Variants in CDH8 observed in about 807,000 individuals in gnomAD.
CDH8 encodes cadherin-8.
A neutral mutation model predicts 68.1 loss-of-function variants in CDH8; 17 were observed. That is an observed-to-expected ratio of 0.25 (90% CI 0.17 to 0.37). The LOEUF is 0.37. Among genes scored for constraint, CDH8 ranks in the 10% least tolerant of loss-of-function variants. The pLI is 1.00. For synonymous variants in CDH8, 372 were observed against 365.1 expected (o/e 1.02, Z -0.21); for missense variants, 763 against 999.3 (o/e 0.76, Z 3.19).
chr16:61,782,346 G>A (rs568974233), intron 8 of CDH8, among the ~76,000 whole-genome samples: 5 of 151,798 alleles, frequency 3.3e-5, no homozygotes, highest in South Asian at 2.1e-4. Context: ...CTGGAAAATC[G>A]GGTCACTCCA....
At chr16:61,788,349 A>G (rs909701995) in intron 8 of CDH8, among the ~76,000 whole-genome samples, 2 of 152,066 alleles carry the variant, frequency 1.3e-5, no homozygotes, top group Non-Finnish European at 2.9e-5. Context: ...ATTATCATCT[A>G]TATTTCTCTA....
At position 61,960,266 on chromosome 16, in the gene CDH8, TACGTGTGTGTGTATACAC is replaced by T. The variant is rs1567546338; in HGVS notation, c.253-58811_253-58794del. On this transcript the variant is annotated intron_variant, in intron 2 of 11. Transcript: ENST00000577390. ...GTGTGTGTGTATACACATACATATA[TACGTGTGTGTGTATACAC>T]ACATATATACGTGTGTGTGTATACA... Among the ~76,000 whole-genome samples, 7 of 98,912 alleles carry T rather than the reference TACGTGTGTGTGTATACAC, an allele frequency of 7.1e-5. 2 individuals are homozygous for T. The highest frequency in any genetic ancestry group is 4.7e-4 in the African/African-American group (7 of 14,992). The allele number at this position is 98,912 out of a possible 152,430, so 64.9% of individuals were successfully genotyped here.
At chr16:61,731,220 A>G (rs1488830237) in intron 8 of CDH8, among the ~76,000 whole-genome samples, 1 of 151,692 alleles carries the variant, frequency 6.6e-6, no homozygotes, top group African/African-American at 2.4e-5. Flanking sequence ...GACAAATGAG[A>G]GAGTGTTGGT....
chr16:61,986,825 A>C (rs1965637409), intron 2 of CDH8, among the ~76,000 whole-genome samples: 1 of 152,202 alleles, frequency 6.6e-6, no homozygotes, highest in East Asian at 1.9e-4. Flanking sequence ...TACATTTGAA[A>C]GAATCAAGAA....
intron 2 of CDH8, among the ~76,000 whole-genome samples, chr16:62,018,648 G>A (rs182771947): frequency 2.6e-4 from 39 of 152,306 alleles, no homozygotes; most frequent in Admixed American, 1.8e-3. Context: ...TCTTTAAAGG[G>A]AAATAGGTAT....
chr16:61,903,355 G>A (rs1415318259), intron 2 of CDH8, among the ~76,000 whole-genome samples: 2 of 152,150 alleles, frequency 1.3e-5, no homozygotes, highest in East Asian at 1.9e-4. Flanking sequence ...ACGGAGTCTC[G>A]CTCTGTCGCC....
At chr16:61,690,707 T>C (rs1316137569) in intron 10 of CDH8, among the ~76,000 whole-genome samples, 1 of 151,998 alleles carries the variant, frequency 6.6e-6, no homozygotes, top group African/African-American at 2.4e-5. Flanking sequence ...AGCAGAACCA[T>C]ATGTTGGCTC....
At chr16:61,959,830 T>C (rs1272429304) in intron 2 of CDH8, among the ~76,000 whole-genome samples, 1 of 148,832 alleles carries the variant, frequency 6.7e-6, no homozygotes, top group African/African-American at 2.5e-5. Context: ...TCTGTATGTG[T>C]GTGTGTATAT....
At chr16:61,858,659 T>C (rs1963094547) in intron 3 of CDH8, among the ~76,000 whole-genome samples, 1 of 152,124 alleles carries the variant, frequency 6.6e-6, no homozygotes, top group African/African-American at 2.4e-5. Context: ...TTTAAATCAA[T>C]ATCTATGGGG....
intron 2 of CDH8, among the ~76,000 whole-genome samples, chr16:61,967,287 A>C (rs566614513): frequency 2.5e-4 from 38 of 152,338 alleles, no homozygotes; most frequent in Admixed American, 2.3e-3. Flanking sequence ...AGACATGCCA[A>C]CATATCCCAT....
chr16:61,744,743 A>G (rs1020791139), intron 8 of CDH8, among the ~76,000 whole-genome samples: 6 of 151,466 alleles, frequency 4.0e-5, no homozygotes, highest in Non-Finnish European at 1.5e-5. Context: ...TATAATTCAT[A>G]TACATATCCT....
chr16:61,648,675 A>G lies in CDH8; in HGVS notation c.*4933T>C, dbSNP rs561080563. 1.3e-5 allele frequency: 2 copies of G among 152,090 alleles called. No individual in the cohort carries two copies. Among genetic ancestry groups the G allele is most frequent in the South Asian group, 4.1e-4 (2 of 4,822 alleles). The allele number at this position is 152,090 out of a possible 1,614,324, so 9.4% of individuals were successfully genotyped here. A position where few individuals can be genotyped will look rare whatever the true frequency, so the allele number is the denominator to read the frequency against. On this transcript the variant is annotated 3_prime_UTR_variant, in exon 12 of 12. Transcript: ENST00000577390. The stretch of plus-strand genomic sequence containing the variant: ...TTAGGTACATTTTATAAATAAAGAA[A>G]ATAAGTTTGAGAATGCTACTGTATT...
chr16:61,654,777 A>G (rs1963403582), intron 11 of CDH8, among the ~76,000 whole-genome samples: 1 of 152,176 alleles, frequency 6.6e-6, no homozygotes, highest in Admixed American at 6.5e-5. Context: ...GGTGAGAAAG[A>G]CAGATGGAAC....
chr16:61,971,142 T>A (rs949947353), intron 2 of CDH8, among the ~76,000 whole-genome samples: 2 of 152,172 alleles, frequency 1.3e-5, no homozygotes, highest in African/African-American at 4.8e-5. Flanking sequence ...CCAAAACTTA[T>A]AAGAACTGAT....
At chr16:61,882,664 T>C (rs1001010111) in intron 3 of CDH8, among the ~76,000 whole-genome samples, 1 of 152,046 alleles carries the variant, frequency 6.6e-6, no homozygotes, top group Non-Finnish European at 1.5e-5. Flanking sequence ...AAGTGGGAGC[T>C]AGATAATGAG....
At chr16:61,879,200 T>A (rs1203389001) in intron 3 of CDH8, among the ~76,000 whole-genome samples, 2 of 152,218 alleles carry the variant, frequency 1.3e-5, no homozygotes, top group Non-Finnish European at 2.9e-5. Flanking sequence ...AAAAAAAATT[T>A]ACTTATATTG....
intron 8 of CDH8, among the ~76,000 whole-genome samples, chr16:61,777,377 A>G (rs947259604): frequency 1.3e-5 from 2 of 152,096 alleles, no homozygotes; most frequent in African/African-American, 2.4e-5. Flanking sequence ...CCTTCTTTCT[A>G]TATTTTATCT....
At chr16:61,748,683 C>T (rs1185884797) in intron 8 of CDH8, among the ~76,000 whole-genome samples, 1 of 151,984 alleles carries the variant, frequency 6.6e-6, no homozygotes, top group Non-Finnish European at 1.5e-5. Context: ...TACAGAGATG[C>T]AATACCAGGT....
chr16:62,016,908 G>A (rs898687910), intron 2 of CDH8, among the ~76,000 whole-genome samples: 1 of 152,152 alleles, frequency 6.6e-6, no homozygotes, highest in African/African-American at 2.4e-5. Context: ...AAAGAGAGTT[G>A]CTTAAACAAG....
Sources: allele counts gnomAD v4.1 joint callset (sites outside exome capture counted in the v4.1 genomes callset), GRCh38; gene constraint gnomAD v4.1.1; transcripts MANE v1.5; gene names NCBI Gene and HGNC (gene_info 2026-07-23, HGNC 2026-07-21).